Variants in TOPAZ1 observed in about 807,000 individuals in gnomAD.
TOPAZ1 encodes the protein protein TOPAZ1.
Under a neutral mutation model 172.2 loss-of-function variants are expected in TOPAZ1, and 66 were observed. The ratio of observed to expected loss-of-function variants is 0.38; its 90% CI spans 0.31 to 0.47. The LOEUF is 0.47. TOPAZ1 is among the 20% of genes least tolerant of loss of function. The probability of loss-of-function intolerance (pLI) is 0.99; values close to 1 mark genes in which losing one functional copy is unlikely to be tolerated. For synonymous variants in TOPAZ1, 681 were observed against 683.9 expected, an observed-to-expected ratio of 1.00 and a Z score of 0.07; for missense variants, 1,822 against 1,972.4, an observed-to-expected ratio of 0.92 and a Z score of 1.44.
chr3:44,265,322 G>C lies in TOPAZ1; in HGVS notation c.3021-1675G>C, dbSNP rs563081311. Among the ~76,000 whole-genome samples the C allele has an allele frequency of 5.3e-5, 8 of 152,350 alleles. No individual in the cohort carries two copies. In the South Asian group the frequency reaches 1.4e-3, roughly 28 times the overall value. ...CACGCCTGTAATCCCAGCACTTCGG[G>C]AGGCCAAGGTGGGTGGATCACAAGG... On this transcript the variant is annotated intron_variant, in intron 5 of 19. Coordinates refer to ENST00000309765, the MANE Select transcript of TOPAZ1 (RefSeq NM_001145030.2).
chr3:44,254,627 CAAA>C (rs10579109), intron 2 of TOPAZ1, among the ~76,000 whole-genome samples: 96 of 83,188 alleles, frequency 1.2e-3, no homozygotes, highest in Middle Eastern at 5.6e-3. Flanking sequence ...AACTCCGTCT[CAAA>C]AAAAAAAAAA....
In TOPAZ1 at chr3:44,244,481, A is replaced by G. The variant is rs759134217; in HGVS notation, c.1975A>G (p.Ile659Val). The part of the protein sequence containing the change: ...QEANNSAGKT[I>V]HRKACIAQQT... ...AGCAAATAACTCTGCAGGCAAAACT[A>G]TTCATCGAAAAGCATGCATTGCTCA... The change falls in exon 2 of 20, where the codon ATT (isoleucine) becomes GTT (valine). Residue 659 changes from isoleucine to valine, a missense_variant. Physicochemically the swap from Ile to Val is conservative, Grantham distance 29 (BLOSUM62 3). Coordinates refer to ENST00000309765, the MANE Select transcript of TOPAZ1 (RefSeq NM_001145030.2). 31 of 1,551,618 alleles carry G rather than the reference A, an allele frequency of 2.0e-5. No individual in the cohort carries two copies. The highest frequency in any genetic ancestry group is 4.1e-5 in the African/African-American group (3 of 73,066).
chr3:44,281,803 A>G (rs1030615248), intron 8 of TOPAZ1, among the ~76,000 whole-genome samples, 165 bp from the exon 9 acceptor site: 2 of 152,226 alleles, frequency 1.3e-5, no homozygotes, highest in Admixed American at 1.3e-4. Flanking sequence ...AATGAATTCA[A>G]TATGTACTTC....
At chr3:44,321,839 A>G (rs772838519) in intron 17 of TOPAZ1, among the ~76,000 whole-genome samples, 1 of 152,226 alleles carries the variant, frequency 6.6e-6, no homozygotes. Flanking sequence ...AGTGAGCTCA[A>G]TCAGGATGGT....
chr3:44,314,120 G>A (rs1254866354), intron 16 of TOPAZ1, among the ~76,000 whole-genome samples: 2 of 151,970 alleles, frequency 1.3e-5, no homozygotes, highest in Admixed American at 1.3e-4. Flanking sequence ...GTAGAGATAG[G>A]GTTTCACCGT....
intron 15 of TOPAZ1, among the ~76,000 whole-genome samples, chr3:44,307,094 C>T (rs1208466273): frequency 6.6e-6 from 1 of 152,150 alleles, no homozygotes; most frequent in Non-Finnish European, 1.5e-5. Flanking sequence ...GCAATCTTGG[C>T]TCACCACAGC....
At position 44,284,460 on chromosome 3, in the gene TOPAZ1, T is replaced by A. The variant is rs535078669; in HGVS notation, c.3436+2429T>A. Reference sequence around the variant, plus strand: ...ACGTGTATCAGAATTTCCTTCCTTTTAAAGGCTGAATAATATCCTGTTGTA... The same window carrying A: ...ACGTGTATCAGAATTTCCTTCCTTTAAAAGGCTGAATAATATCCTGTTGTA... On this transcript the variant is annotated intron_variant, in intron 9 of 19. Coordinates refer to ENST00000309765, the MANE Select transcript of TOPAZ1 (RefSeq NM_001145030.2). Among the ~76,000 whole-genome samples, 156 of 152,364 alleles carry A rather than the reference T, an allele frequency of 1.0e-3. 1 individual carries two copies. Among genetic ancestry groups the A allele is most frequent in the Middle Eastern group, 3.4e-3 (1 of 294 alleles).
At chr3:44,331,698 T>C in intron 19 of TOPAZ1, 94 bp from the exon 20 acceptor site, 2 of 978,692 alleles carry the variant, frequency 2.0e-6, no homozygotes, top group Non-Finnish European at 3.1e-6. Flanking sequence ...AAGACTATCA[T>C]AGCTTAGTAC....
chr3:44,249,784 A>G (rs1699608507), intron 2 of TOPAZ1, among the ~76,000 whole-genome samples: 1 of 152,216 alleles, frequency 6.6e-6, no homozygotes, highest in South Asian at 2.1e-4. Context: ...GTAAATGGAG[A>G]CAGTGAATCC....
chr3:44,256,021 T>C lies in TOPAZ1; in HGVS notation c.2828-130T>C, dbSNP rs1023227066. ...AATTATTGTATAATTCGCTGAAAACTCTGCTTCATATTTGTCACATTAGAC... is the reference window on the plus strand; with the variant it reads ...AATTATTGTATAATTCGCTGAAAACCCTGCTTCATATTTGTCACATTAGAC... On this transcript the variant is annotated intron_variant, in intron 3 of 19. Transcript: ENST00000309765. 7.5e-6 allele frequency: 4 copies of C among 535,034 alleles called. No individual in the cohort carries two copies. The African/African-American group carries it at 8.0e-5, about 11-fold the overall frequency. The allele number at this position is 535,034 out of a possible 1,614,324, so 33.1% of individuals were successfully genotyped here.
At chr3:44,298,909 A>ATATATTTTTTTTT (rs1287571186) in intron 12 of TOPAZ1, among the ~76,000 whole-genome samples, 3 of 41,318 alleles carry the variant, frequency 7.3e-5, no homozygotes, top group African/African-American at 1.5e-4. Context: ...ATATATATAT[A>ATATATTTTTTTTT]TTTTTTTTTT....
chr3:44,273,356 G>C (rs920116570), intron 8 of TOPAZ1, among the ~76,000 whole-genome samples: 2 of 152,130 alleles, frequency 1.3e-5, no homozygotes, highest in African/African-American at 2.4e-5. Flanking sequence ...TATTCTAGAA[G>C]ACCTCTGCTA....
chr3:44,290,226 T>C (rs964255336), intron 11 of TOPAZ1, among the ~76,000 whole-genome samples: 5 of 152,238 alleles, frequency 3.3e-5, no homozygotes, highest in Non-Finnish European at 7.3e-5. Context: ...TGTCCAGATA[T>C]TCCCTTGTTG....
chr3:44,294,257 T>C (rs1700170495), intron 12 of TOPAZ1, among the ~76,000 whole-genome samples: 1 of 151,464 alleles, frequency 6.6e-6, no homozygotes, highest in Non-Finnish European at 1.5e-5. Flanking sequence ...AAAAGACATA[T>C]AGCCATCAAA....
intron 17 of TOPAZ1, among the ~76,000 whole-genome samples, chr3:44,322,053 G>A (rs1325753800): frequency 6.6e-6 from 1 of 152,168 alleles, no homozygotes; most frequent in East Asian, 1.9e-4. Flanking sequence ...TGGGTCTAGG[G>A]AGTGATATAA....
At chr3:44,298,910 T>TATATATATATATATATATATATA (rs1491140048) in intron 12 of TOPAZ1, among the ~76,000 whole-genome samples, 8 of 16,180 alleles carry the variant, frequency 4.9e-4, no homozygotes, top group South Asian at 5.3e-3. Flanking sequence ...TATATATATA[T>TATATATATATATATATATATATA]TTTTTTTTTT....
chr3:44,259,723 T>C (rs1339981660), intron 4 of TOPAZ1, among the ~76,000 whole-genome samples: 1 of 152,230 alleles, frequency 6.6e-6, no homozygotes, highest in African/African-American at 2.4e-5. Context: ...AATGCCATTT[T>C]CTCCCCACAC....
At chr3:44,256,768 A>G (rs1699708438) in intron 4 of TOPAZ1, among the ~76,000 whole-genome samples, 1 of 152,170 alleles carries the variant, frequency 6.6e-6, no homozygotes, top group Non-Finnish European at 1.5e-5. Flanking sequence ...AAAATTAGTC[A>G]GTAATATTTG....
chr3:44,326,586 T>C (rs1700603322), intron 18 of TOPAZ1, among the ~76,000 whole-genome samples: 2 of 152,204 alleles, frequency 1.3e-5, no homozygotes, highest in Non-Finnish European at 2.9e-5. Context: ...TTGTCAGATA[T>C]ATGAATTACA....
Sources: gnomAD v4.1 joint callset for allele counts (sites outside exome capture counted in the v4.1 genomes callset) on GRCh38, gnomAD v4.1.1 for gene constraint, MANE v1.5 for transcripts, NCBI Gene and HGNC (gene_info 2026-07-23, HGNC 2026-07-21) for gene names.